Variants in UPK1B observed in about 807,000 individuals in gnomAD.
The protein encoded by UPK1B is uroplakin-1b.
UPK1B carries 28 observed loss-of-function variants against 34.2 expected under a neutral mutation model. The observed-to-expected ratio is 0.82, with a 90% CI of 0.61 to 1.12. The LOEUF (loss-of-function observed/expected upper bound fraction) is 1.12, where lower values mean the gene tolerates loss of function less well. Ranked by LOEUF, UPK1B falls within the 50% of genes most tolerant of loss-of-function variation. The probability of loss-of-function intolerance (pLI) is 0.00; values close to 1 mark genes in which losing one functional copy is unlikely to be tolerated. For missense variants in UPK1B, 325 were observed against 320.9 expected (o/e 1.01, Z -0.10); for synonymous variants, 81 against 110.4 (o/e 0.73, Z 1.67).
At chr3:119,181,539 C>T (rs1444777653) in intron 1 of UPK1B, among the ~76,000 whole-genome samples, 1 of 152,150 alleles carries the variant, frequency 6.6e-6, no homozygotes, top group Non-Finnish European at 1.5e-5. Context: ...TAAGTAACTT[C>T]TTGGGGTCAC....
chr3:119,199,885 A>G (rs1361669282), intron 7 of UPK1B, among the ~76,000 whole-genome samples: 2 of 152,190 alleles, frequency 1.3e-5, no homozygotes, highest in African/African-American at 2.4e-5. Context: ...GCCTATATCT[A>G]TTGGCATTTA....
At chr3:119,197,682 A>T (rs781758834) in intron 6 of UPK1B, among the ~76,000 whole-genome samples, 2 of 152,222 alleles carry the variant, frequency 1.3e-5, no homozygotes, top group Non-Finnish European at 2.9e-5. Flanking sequence ...ACAACATAAA[A>T]TCCCTGCCCT....
intron 2 of UPK1B, among the ~76,000 whole-genome samples, chr3:119,187,103 A>G (rs1052822672): frequency 1.3e-5 from 2 of 152,146 alleles, no homozygotes; most frequent in African/African-American, 2.4e-5. Flanking sequence ...ACACTTCACT[A>G]TTTCTTTTCT....
chr3:119,180,471 C>T (rs1021009061), intron 1 of UPK1B, among the ~76,000 whole-genome samples: 3 of 152,088 alleles, frequency 2.0e-5, no homozygotes, highest in Admixed American at 1.3e-4. Flanking sequence ...AATTAACCAG[C>T]GCAAGGTGTT....
chr3:119,196,575 C>A (rs935368951), intron 6 of UPK1B, among the ~76,000 whole-genome samples: 1 of 132,020 alleles, frequency 7.6e-6, no homozygotes, highest in Non-Finnish European at 1.5e-5. Context: ...CTGTCTCACT[C>A]TGTCGCCAGG....
intron 1 of UPK1B, among the ~76,000 whole-genome samples, chr3:119,177,717 T>C (rs1191820942): frequency 2.0e-5 from 3 of 152,278 alleles, no homozygotes. Flanking sequence ...ATTTGTTAAA[T>C]TGGCTTTTTT....
intron 4 of UPK1B, 128 bp downstream of exon 4, chr3:119,190,447 T>A: frequency 1.7e-6 from 1 of 596,950 alleles, no homozygotes; most frequent in Non-Finnish European, 2.8e-6. Context: ...TCATTTTACT[T>A]AATCCTCATA....
At chr3:119,199,901 T>C (rs986400186) in intron 7 of UPK1B, among the ~76,000 whole-genome samples, 3 of 152,168 alleles carry the variant, frequency 2.0e-5, no homozygotes, top group East Asian at 3.8e-4. Context: ...ATTTACCCCA[T>C]TGGAAATTAA....
At position 119,178,914 on chromosome 3, in the gene UPK1B, A is replaced by G. The variant is rs1387272892; in HGVS notation, c.-29+5276A>G. ...CAGAAGTTAGGGGCTGGCAGTGGGA[A>G]TTGGTAAAATGGTATCAGGAGACAT... is the stretch of plus-strand genomic sequence containing the variant. On this transcript the variant is annotated intron_variant, in intron 1 of 7. Transcript: ENST00000264234. Among the ~76,000 whole-genome samples the G allele has an allele frequency of 2.0e-5, 3 of 152,150 alleles. No homozygotes were observed. The East Asian group carries it at 5.8e-4, about 29-fold the overall frequency.
intron 6 of UPK1B, among the ~76,000 whole-genome samples, chr3:119,197,845 T>G (rs926434485): frequency 7.1e-6 from 1 of 141,362 alleles, no homozygotes; most frequent in African/African-American, 2.5e-5. Flanking sequence ...TCTCTGTCAC[T>G]GTCAGGAAAG....
chr3:119,196,321 G>C (rs7612846), intron 6 of UPK1B, among the ~76,000 whole-genome samples: 36,637 of 151,682 alleles, frequency 0.24, 4,851 homozygotes, highest in Middle Eastern at 0.37. Flanking sequence ...GCTACCCCAA[G>C]ACCTGGTATA....
chr3:119,185,954 T>TCA (rs551620707), intron 1 of UPK1B, among the ~76,000 whole-genome samples: 59 of 152,120 alleles, frequency 3.9e-4, no homozygotes, highest in African/African-American at 1.4e-3. Context: ...GACTCTGGAG[T>TCA]CACACACACC....
At chr3:119,176,673 G>A (rs1158060563) in intron 1 of UPK1B, among the ~76,000 whole-genome samples, 2 of 152,088 alleles carry the variant, frequency 1.3e-5, no homozygotes, top group African/African-American at 2.4e-5. Flanking sequence ...TCTCTAACGC[G>A]GGCAGTTGCT....
chr3:119,181,008 C>A (rs7613994), intron 1 of UPK1B, among the ~76,000 whole-genome samples: 13,796 of 152,266 alleles, frequency 0.091, 875 homozygotes, highest in Non-Finnish European at 0.12. Context: ...GGTCAGCTTA[C>A]ACGTTGTGAC....
chr3:119,176,865 G>A (rs1362176305), intron 1 of UPK1B, among the ~76,000 whole-genome samples: 2 of 152,346 alleles, frequency 1.3e-5, no homozygotes, highest in Non-Finnish European at 2.9e-5. Flanking sequence ...TGGGCTAAAA[G>A]AGAAGGCAGG....
chr3:119,190,870 G>C, intron 4 of UPK1B, 112 bp from the exon 5 acceptor site: 1 of 1,461,012 alleles, frequency 6.8e-7, no homozygotes, highest in Non-Finnish European at 9.3e-7. Context: ...GTACAGTTTT[G>C]CTCCAGGAGA....
At chr3:119,192,838 T>G (rs2107434570) in intron 5 of UPK1B, among the ~76,000 whole-genome samples, 1 of 152,304 alleles carries the variant, frequency 6.6e-6, no homozygotes, top group South Asian at 2.1e-4. Context: ...CCTTAAATTG[T>G]CTATCTTATA....
chr3:119,186,145 C>T (rs1312175662), intron 1 of UPK1B, among the ~76,000 whole-genome samples: 1 of 152,224 alleles, frequency 6.6e-6, no homozygotes, highest in Non-Finnish European at 1.5e-5. Flanking sequence ...GAGTGGCACA[C>T]ACCTGGCAGA....
In UPK1B at chr3:119,203,962, T is replaced by C. The variant is rs772809374; in HGVS notation, c.778T>C (p.Tyr260His). The part of the protein sequence containing the change: ...GTMFYWSRIE[Y>H] ...CATGTTCTACTGGAGCAGAATTGAA[T>C]ATTAAGCATAAAGTGTTGCCACCAT... The change falls in exon 8 of 8, where the codon TAT becomes CAT. Residue 260 changes from tyrosine (Y) to histidine (H), a missense_variant. By Grantham distance (83) the Tyr-to-His change is moderately conservative. Transcript: ENST00000264234. The C allele has an allele frequency of 6.2e-7, 1 of 1,614,056 alleles. No homozygotes were observed. The highest frequency in any genetic ancestry group is 1.7e-5 in the Admixed American group (1 of 60,028).
Sources: gnomAD v4.1 joint callset for allele counts (sites outside exome capture counted in the v4.1 genomes callset) on GRCh38, gnomAD v4.1.1 for gene constraint, MANE v1.5 for transcripts, NCBI Gene and HGNC (gene_info 2026-07-23, HGNC 2026-07-21) for gene names.